The following CELF2 variants were observed in gnomAD, a reference collection of about 807,000 sequenced individuals.
CELF2 encodes the protein CUG triplet repeat RNA-binding protein 2.
In CELF2, 8 loss-of-function variants were observed where a neutral mutation model predicts 62.6. The ratio of observed to expected loss-of-function variants is 0.13; its 90% confidence interval spans 0.07 to 0.23. The LOEUF is 0.23. CELF2 is among the 10% of genes least tolerant of loss of function. CELF2 has a pLI of 1.00. For missense variants in CELF2, 333 were observed against 671.0 expected, an observed-to-expected ratio of 0.50 and a Z score of 5.56; for synonymous variants, 258 against 250.0, an observed-to-expected ratio of 1.03 and a Z score of -0.30.
chr10:10,523,045 T>G, the CELF2 span, among the ~76,000 whole-genome samples: 2 of 152,190 alleles, frequency 1.3e-5, no homozygotes, highest in Non-Finnish European at 2.9e-5. Context: ...AAAGTAAGGT[T>G]TGATTCTGGG....
At chr10:11,238,618 C>T (rs749146951) in intron 3 of CELF2, among the ~76,000 whole-genome samples, 1 of 152,184 alleles carries the variant, frequency 6.6e-6, no homozygotes, top group Non-Finnish European at 1.5e-5. Context: ...TTGCTAAACA[C>T]AGTGACAGTA....
intron 2 of CELF2, among the ~76,000 whole-genome samples, chr10:10,958,675 T>A (rs1315548270): frequency 6.6e-6 from 1 of 151,940 alleles, no homozygotes; most frequent in Non-Finnish European, 1.5e-5. Flanking sequence ...AAGACTCATC[T>A]CTAGAAAAAA....
the CELF2 span, among the ~76,000 whole-genome samples, chr10:10,631,689 C>A: frequency 6.6e-6 from 1 of 152,156 alleles, no homozygotes; most frequent in Non-Finnish European, 1.5e-5. Context: ...TTTGGAAGAG[C>A]GTCTGCATTT....
chr10:11,277,819 T>A (rs552889461), intron 8 of CELF2, among the ~76,000 whole-genome samples: 1 of 152,244 alleles, frequency 6.6e-6, no homozygotes, highest in African/African-American at 2.4e-5. Flanking sequence ...GATGTTACAG[T>A]GCTTATTGAG....
the CELF2 span, among the ~76,000 whole-genome samples, chr10:10,560,182 G>A: frequency 2.3e-4 from 35 of 152,142 alleles, no homozygotes; most frequent in African/African-American, 8.0e-4. Context: ...CTCGAAAAGA[G>A]AACTTGACTC....
the CELF2 span, among the ~76,000 whole-genome samples, chr10:10,696,303 G>C: frequency 2.0e-5 from 3 of 151,918 alleles, no homozygotes; most frequent in Admixed American, 2.0e-4. Flanking sequence ...GTGCCTCCCA[G>C]TTAGGCTGCT....
chr10:10,589,778 G>A, the CELF2 span, among the ~76,000 whole-genome samples: 29 of 152,166 alleles, frequency 1.9e-4, no homozygotes, highest in Admixed American at 1.5e-3. Flanking sequence ...ATTCTCACAC[G>A]TCATTCAGAC....
At chr10:11,317,015 T>G (rs1319561497) in intron 10 of CELF2, 1 of 152,236 alleles carries the variant, frequency 6.6e-6, no homozygotes, top group Non-Finnish European at 1.5e-5. Context: ...TATGTTAACA[T>G]CTGAACTAAG....
chr10:10,924,724 C>CTTTTT (rs745848953), intron 2 of CELF2, among the ~76,000 whole-genome samples: 3,684 of 88,992 alleles, frequency 0.041, 438 homozygotes, highest in Non-Finnish European at 0.048. Context: ...AACTTGATCG[C>CTTTTT]TTTTTTTTTT....
At chr10:10,527,666 A>G in the CELF2 span, among the ~76,000 whole-genome samples, 1 of 152,332 alleles carries the variant, frequency 6.6e-6, no homozygotes, top group East Asian at 1.9e-4. Flanking sequence ...GGAGACTCCA[A>G]GCCATCTCTA....
At chr10:10,939,486 A>C (rs1053140790) in intron 2 of CELF2, among the ~76,000 whole-genome samples, 1 of 151,800 alleles carries the variant, frequency 6.6e-6, no homozygotes, top group South Asian at 2.1e-4. Flanking sequence ...GGGTTTCACC[A>C]TGTTGGCCAG....
At chr10:10,841,249 C>T (rs61832093) in intron 1 of CELF2, among the ~76,000 whole-genome samples, 6,758 of 151,828 alleles carry the variant, frequency 0.045, 158 homozygotes, top group African/African-American at 0.06. Context: ...GGTTCTGTTT[C>T]TCTTAAAAGT....
At chr10:10,764,185 A>G in the CELF2 span, among the ~76,000 whole-genome samples, 11 of 152,350 alleles carry the variant, frequency 7.2e-5, no homozygotes, top group East Asian at 1.5e-3. Flanking sequence ...GAGGCTATTT[A>G]TGATACACTT....
intron 8 of CELF2, among the ~76,000 whole-genome samples, chr10:11,284,526 GGT>G (rs2090475479): frequency 6.6e-6 from 1 of 151,420 alleles, no homozygotes. Context: ...GTGTGTGGTG[GGT>G]GGATGAGGGA....
intron 9 of CELF2, among the ~76,000 whole-genome samples, chr10:11,304,521 G>A (rs909926039): frequency 4.7e-4 from 71 of 152,226 alleles, no homozygotes; most frequent in African/African-American, 1.6e-3. Context: ...CTTCTTGCTG[G>A]TGGGGACTCT....
chr10:10,683,498 C>G, the CELF2 span, among the ~76,000 whole-genome samples: 1 of 152,172 alleles, frequency 6.6e-6, no homozygotes, highest in Non-Finnish European at 1.5e-5. Context: ...TTTGCCACAT[C>G]TACAGTAGGT....
chr10:10,891,851 G>A (rs1231665755), intron 1 of CELF2, among the ~76,000 whole-genome samples: 2 of 152,202 alleles, frequency 1.3e-5, no homozygotes, highest in Non-Finnish European at 2.9e-5. Flanking sequence ...TCTGGAAAGT[G>A]TTGTTAAATT....
At chr10:10,899,750 G>A (rs1001335517) in intron 1 of CELF2, among the ~76,000 whole-genome samples, 8 of 152,174 alleles carry the variant, frequency 5.3e-5, no homozygotes, top group East Asian at 1.9e-4. Context: ...GGAAAGTGAC[G>A]GGGAAGCTAG....
At position 11,098,439 on chromosome 10, in the gene CELF2, C is replaced by G. The variant is rs911561912; in HGVS notation, c.75-67047C>G. Reference sequence around the variant, plus strand: ...TCAGGCACATTGACGTGAGCTCAAACCCCCATGTACTGCAGAGGGATAACA... The same window carrying G: ...TCAGGCACATTGACGTGAGCTCAAAGCCCCATGTACTGCAGAGGGATAACA... On this transcript the variant is annotated intron_variant, in intron 1 of 12. Coordinates refer to ENST00000633077, the MANE Select transcript of CELF2 (RefSeq NM_001326342.2). The surrounding 1 kb of genome is among the most constrained non-coding windows in gnomAD (Gnocchi z 4.0). 6.6e-6 allele frequency: 1 copy of G among 152,188 alleles called. No individual in the cohort carries two copies. Among genetic ancestry groups the G allele is most frequent in the South Asian group, 2.1e-4 (1 of 4,808 alleles). 9.4% of individuals were successfully genotyped at this position (152,188 alleles called of 1,614,324 possible).
Sources: allele counts gnomAD v4.1 joint callset (sites outside exome capture counted in the v4.1 genomes callset), GRCh38; gene constraint gnomAD v4.1.1; non-coding constraint Gnocchi (gnomAD v3.1); transcripts MANE v1.5; gene names NCBI Gene and HGNC (gene_info 2026-07-23, HGNC 2026-07-21).